The following WDR49 variants were observed in gnomAD, a reference collection of about 807,000 sequenced individuals.
WDR49 encodes cilia- and flagella-associated protein 337.
Under a neutral mutation model 119.5 loss-of-function variants are expected in WDR49, and 107 were observed. The observed-to-expected ratio is 0.90, with a 90% confidence interval of 0.77 to 1.05. The LOEUF (loss-of-function observed/expected upper bound fraction) is 1.05. WDR49 is among the 50% of genes least tolerant of loss of function. The pLI is 0.00. For synonymous variants in WDR49, 425 were observed against 418.8 expected (o/e 1.01, Z -0.18); for missense variants, 1,240 against 1,220.5 (o/e 1.02, Z -0.24).
At chr3:167,626,342 T>A (rs1025374787) in intron 3 of WDR49, among the ~76,000 whole-genome samples, 2 of 152,044 alleles carry the variant, frequency 1.3e-5, no homozygotes, top group African/African-American at 4.8e-5. Flanking sequence ...CTGCTTCATA[T>A]AAATTATTAC....
At chr3:167,645,458 G>A (rs62278324) in intron 2 of WDR49, among the ~76,000 whole-genome samples, 366 of 152,136 alleles carry the variant, frequency 2.4e-3, no homozygotes, top group Admixed American at 5.2e-3. Context: ...AGTTGTGCCC[G>A]CCTTGGCCTC....
At position 167,478,928 on chromosome 3, in the gene WDR49, TGGC is replaced by T. The variant is rs1190297304; in HGVS notation, c.3097_3099del (p.Ala1033del). 4 of 1,610,082 alleles carry T rather than the reference TGGC, an allele frequency of 2.5e-6. No homozygotes were observed. The highest frequency in any genetic ancestry group is 2.5e-6 in the Non-Finnish European group (3 of 1,179,092). On this transcript the variant is annotated inframe_deletion, in exon 19 of 19. Coordinates refer to ENST00000682715, the MANE Select transcript of WDR49 (RefSeq NM_001366157.1). Reference sequence around the variant, plus strand: ...CAACTTTTTTCTTGGCATAATTGCTTGGCTTTTCGTTCATGATGCAGAATTTCC... The same window carrying T: ...CAACTTTTTTCTTGGCATAATTGCTTTTTTCGTTCATGATGCAGAATTTCC...
At chr3:167,611,202 G>A (rs925167634) in intron 5 of WDR49, among the ~76,000 whole-genome samples, 4 of 152,148 alleles carry the variant, frequency 2.6e-5, no homozygotes, top group African/African-American at 7.2e-5. Context: ...GCAGAGGGAC[G>A]AAGTTAAAAT....
intron 8 of WDR49, among the ~76,000 whole-genome samples, chr3:167,561,366 G>T (rs559918352): frequency 6.6e-6 from 1 of 152,146 alleles, no homozygotes; most frequent in South Asian, 2.1e-4. Flanking sequence ...ACTTTAAAAA[G>T]CATCACTGCA....
intron 16 of WDR49, among the ~76,000 whole-genome samples, chr3:167,517,858 A>T (rs185990930): frequency 6.6e-6 from 1 of 151,916 alleles, no homozygotes; most frequent in African/African-American, 2.4e-5. Context: ...AGCATTAGTT[A>T]TATCTCCTAA....
At chr3:167,657,196 A>T (rs1718625372), upstream of WDR49, among the ~76,000 whole-genome samples, 1 of 152,226 alleles carries the variant, frequency 6.6e-6, no homozygotes, top group African/African-American at 2.4e-5. Context: ...CATATTATGA[A>T]ACAATATGAT....
At chr3:167,531,499 G>T (rs2108242806) in intron 12 of WDR49, among the ~76,000 whole-genome samples, 1 of 152,036 alleles carries the variant, frequency 6.6e-6, no homozygotes, top group East Asian at 1.9e-4. Context: ...ATACACACTT[G>T]CTCTGTTTTC....
At chr3:167,525,391 C>T (rs1023757009) in intron 15 of WDR49, among the ~76,000 whole-genome samples, 1 of 151,872 alleles carries the variant, frequency 6.6e-6, no homozygotes, top group Non-Finnish European at 1.5e-5. Flanking sequence ...ATTTGAATAC[C>T]CTTTATTTCT....
chr3:167,644,923 G>C (rs543953640), intron 2 of WDR49, among the ~76,000 whole-genome samples: 1 of 151,970 alleles, frequency 6.6e-6, no homozygotes, highest in South Asian at 2.1e-4. Context: ...TAACAAGTTT[G>C]GGTGCCTTTT....
intron 7 of WDR49, among the ~76,000 whole-genome samples, chr3:167,593,838 T>C (rs1715266211): frequency 6.6e-6 from 1 of 152,124 alleles, no homozygotes; most frequent in East Asian, 1.9e-4. Flanking sequence ...GACTGGATCA[T>C]GGGGGAGGTT....
intron 16 of WDR49, among the ~76,000 whole-genome samples, chr3:167,506,908 T>C (rs1218770637): frequency 6.6e-6 from 1 of 152,182 alleles, no homozygotes; most frequent in Admixed American, 6.5e-5. Context: ...GATATTCTTC[T>C]CATGGTGAGA....
At chr3:167,480,338 T>C (rs921877008) in intron 18 of WDR49, among the ~76,000 whole-genome samples, 19 of 139,124 alleles carry the variant, frequency 1.4e-4, no homozygotes, top group Non-Finnish European at 1.9e-4. Context: ...AAGCATAAAA[T>C]ATGTGAAAGA....
chr3:167,620,623 GAAC>G lies in WDR49; in HGVS notation c.784-23_784-21del. ...TTGAACCTTGACAGAGACATTGAAA[GAAC>G]AACAATCGTGGACGGGATATTTGTT... On this transcript the variant is annotated intron_variant, in intron 4 of 18. Coordinates refer to ENST00000682715, the MANE Select transcript of WDR49 (RefSeq NM_001366157.1). 1 of 1,518,948 alleles carries G rather than the reference GAAC, an allele frequency of 6.6e-7. No individual in the cohort carries two copies. Among genetic ancestry groups the G allele is most frequent in the Non-Finnish European group, 8.8e-7 (1 of 1,136,510 alleles). The allele number at this position is 1,518,948 out of a possible 1,614,324, so 94.1% of individuals were successfully genotyped here.
rs1349077649 is a variant in WDR49 at position 167,602,275 on chromosome 3, G to A, written c.1127C>T (p.Ala376Val). ...FDYHSRLNLI[A>V]TAGINNKVCL... ...AACTTTATTGTTAATGCCAGCAGTTGCTAATCAGAATTAGAAAGAAAAAAA... is the reference window on the plus strand; with the variant it reads ...AACTTTATTGTTAATGCCAGCAGTTACTAATCAGAATTAGAAAGAAAAAAA... Residue 376 changes from alanine to valine, a missense_variant and splice_region_variant, in exon 7 of 19, where the codon GCA becomes GTA. By Grantham distance (64) the Ala-to-Val change is moderately conservative (BLOSUM62 0). Coordinates refer to ENST00000682715, the MANE Select transcript of WDR49 (RefSeq NM_001366157.1). 1.3e-6 allele frequency: 2 copies of A among 1,562,014 alleles called. No individual in the cohort carries two copies. The highest frequency in any genetic ancestry group is 3.5e-5 in the Admixed American group (2 of 56,642).
chr3:167,656,755 C>A (rs901413860), upstream of WDR49, among the ~76,000 whole-genome samples: 1 of 152,158 alleles, frequency 6.6e-6, no homozygotes, highest in African/African-American at 2.4e-5. Flanking sequence ...TAAATTCCTG[C>A]GGCACTGTAA....
rs114543128 is a variant in WDR49, at chr3:167,567,027, T to C, written c.1510-6799A>G. On this transcript the variant is annotated intron_variant, in intron 8 of 18. Coordinates refer to ENST00000682715, the MANE Select transcript of WDR49 (RefSeq NM_001366157.1). ...CTTGGTGTAACTTCACAGAAATATA[T>C]TGTAATTTCTGTCGGACTTTTTGCT... The C allele has an allele frequency of 8.4e-4, 384 of 454,936 alleles. 2 individuals are homozygous for C. The highest frequency in any genetic ancestry group is 6.9e-3 in the African/African-American group (346 of 50,318). The allele number at this position is 454,936 out of a possible 1,614,324, so 28.2% of individuals were successfully genotyped here.
intron 2 of WDR49, among the ~76,000 whole-genome samples, chr3:167,629,879 T>C (rs2108329645): frequency 6.6e-6 from 1 of 152,188 alleles, no homozygotes; most frequent in East Asian, 1.9e-4. Flanking sequence ...AATCTCATGA[T>C]CAAACTTAAA....
chr3:167,575,328 C>T (rs1041481621), intron 8 of WDR49: 15 of 982,142 alleles, frequency 1.5e-5, no homozygotes, highest in Non-Finnish European at 1.7e-5. Context: ...GGGAGCCCTG[C>T]TTCTTCATTG....
chr3:167,587,013 T>C (rs1455695067), intron 7 of WDR49, among the ~76,000 whole-genome samples: 1 of 152,186 alleles, frequency 6.6e-6, no homozygotes, highest in African/African-American at 2.4e-5. Flanking sequence ...ATTGGGGACC[T>C]GGTATATATA....
Sources: allele counts gnomAD v4.1 joint callset (sites outside exome capture counted in the v4.1 genomes callset), GRCh38; gene constraint gnomAD v4.1.1; transcripts MANE v1.5; gene names NCBI Gene and HGNC (gene_info 2026-07-23, HGNC 2026-07-21).